The following AMDHD1 variants were observed in gnomAD, a reference collection of about 807,000 sequenced individuals.
The protein encoded by AMDHD1 is amidohydrolase domain containing 1.
AMDHD1 carries 45 observed loss-of-function variants against 44.1 expected under a neutral mutation model. That is an observed-to-expected ratio of 1.02 (90% CI 0.80 to 1.31). The LOEUF (loss-of-function observed/expected upper bound fraction) is 1.31. AMDHD1 is among the 50% of genes most tolerant of loss of function. AMDHD1 has a pLI of 0.00. For synonymous variants in AMDHD1, 206 were observed against 205.0 expected (o/e 1.00, Z -0.04); for missense variants, 586 against 552.1 (o/e 1.06, Z -0.61).
In AMDHD1 at chr12:95,965,799, A is replaced by C; in HGVS notation, c.1032+20A>C. On this transcript the variant is annotated intron_variant, in intron 7 of 8. Transcript: ENST00000266736. ...TCAATGGTAATTATTTTTTTCATGT[A>C]CCTTTCTGAGCAGAGTATCTACCAA... The C allele has an allele frequency of 6.6e-7, 1 of 1,518,792 alleles. No individual in the cohort carries two copies. The highest frequency in any genetic ancestry group is 9.1e-7 in the Non-Finnish European group (1 of 1,098,752). 94.1% of individuals were successfully genotyped at this position (1,518,792 alleles called of 1,614,324 possible). A position where few individuals can be genotyped will look rare whatever the true frequency, so the allele number is the denominator to read the frequency against.
chr12:95,962,065 A>G (rs959561384), intron 5 of AMDHD1, among the ~76,000 whole-genome samples: 7 of 152,236 alleles, frequency 4.6e-5, no homozygotes, highest in South Asian at 2.1e-4. Flanking sequence ...CAAGAGATCC[A>G]GACTATCCTG....
rs1313642473 is a variant in AMDHD1 at position 95,954,921 on chromosome 12, T to C, written c.255T>C (p.Asp85=). 11 of 1,614,086 alleles carry C rather than the reference T, an allele frequency of 6.8e-6. No homozygotes were observed. The highest frequency in any genetic ancestry group is 9.3e-6 in the Non-Finnish European group (11 of 1,180,034). The change falls in exon 3 of 9, where the codon GAT becomes GAC. Residue 85 remains aspartate (D), a synonymous_variant. Coordinates refer to ENST00000266736, the MANE Select transcript of AMDHD1 (RefSeq NM_152435.3). ...SGKCILPGLV[D]AHTHPVWAGE... ...ATTTATTGATTATAGGTTTGGTGGA[T>C]GCACACACACATCCAGTATGGGCTG... is the stretch of plus-strand genomic sequence containing the variant.
Position 95,959,957 on chromosome 12 carries a change from C to T in AMDHD1, c.588-441C>T, listed in dbSNP as rs905150608. ...ATTACAGATGCATGCCACCATGCCC[C>T]GATACTTTTAGTAGAGACGGGGTTT... is the stretch of plus-strand genomic sequence containing the variant. On this transcript the variant is annotated intron_variant, in intron 4 of 8. Coordinates refer to ENST00000266736, the MANE Select transcript of AMDHD1 (RefSeq NM_152435.3). Among the ~76,000 whole-genome samples, 5 of 48,388 alleles carry T rather than the reference C, an allele frequency of 1.0e-4. No homozygotes were observed. The East Asian group carries it at 0.012, about 112-fold the overall frequency. 31.7% of individuals were successfully genotyped at this position (48,388 alleles called of 152,430 possible).
chr12:95,944,452 A>T (rs2080484070), intron 1 of AMDHD1, among the ~76,000 whole-genome samples: 1 of 151,348 alleles, frequency 6.6e-6, no homozygotes. Context: ...CCCAGGTTGG[A>T]GTGCAGTGGC....
At chr12:95,945,664 G>A (rs1196768404) in intron 1 of AMDHD1, among the ~76,000 whole-genome samples, 1 of 152,192 alleles carries the variant, frequency 6.6e-6, no homozygotes, top group Non-Finnish European at 1.5e-5. Context: ...TGGTAGACAA[G>A]AAGAACACAG....
chr12:95,956,029 A>G (rs1230045463), intron 3 of AMDHD1, among the ~76,000 whole-genome samples: 1 of 152,222 alleles, frequency 6.6e-6, no homozygotes, highest in African/African-American at 2.4e-5. Context: ...GGGAGGGCTG[A>G]TACTTAGCAA....
At chr12:95,959,720 G>A (rs755302429) in intron 4 of AMDHD1, among the ~76,000 whole-genome samples, 69 of 152,124 alleles carry the variant, frequency 4.5e-4, no homozygotes, top group Admixed American at 1.4e-3. Flanking sequence ...CTCAGGTAAG[G>A]GGACCACAGG....
At chr12:95,962,312 T>C (rs1592826180) in intron 5 of AMDHD1, 43 bp from the exon 6 acceptor site, 1 of 1,582,840 alleles carries the variant, frequency 6.3e-7, no homozygotes, top group Non-Finnish European at 8.6e-7. Context: ...GGATTCGTTG[T>C]TGCTATTTGT....
chr12:95,962,584 A>G (rs1385610569), intron 6 of AMDHD1, 105 bp downstream of exon 6: 1 of 1,311,090 alleles, frequency 7.6e-7, no homozygotes, highest in Non-Finnish European at 1.0e-6. Flanking sequence ...CAAATCCCTT[A>G]AAAATGCAGA....
Position 95,958,491 on chromosome 12 carries a change from T to G in AMDHD1, c.587+1529T>G, listed in dbSNP as rs193032738. Among the ~76,000 whole-genome samples, 879 of 152,352 alleles carry G rather than the reference T, an allele frequency of 5.8e-3. 8 individuals carry two copies. The highest frequency in any genetic ancestry group is 0.02 in the Middle Eastern group (6 of 294). On this transcript the variant is annotated intron_variant, in intron 4 of 8. Transcript: ENST00000266736. ...AAGCTCAAAATTTCACTGAGACTCTTGAGACATTCTCTATAGAAAACAGTA... is the reference window on the plus strand; with the variant it reads ...AAGCTCAAAATTTCACTGAGACTCTGGAGACATTCTCTATAGAAAACAGTA...
At chr12:95,960,311 C>T in intron 4 of AMDHD1, 87 bp from the exon 5 acceptor site, 1 of 1,156,616 alleles carries the variant, frequency 8.6e-7, no homozygotes, top group African/African-American at 1.5e-5. Flanking sequence ...CTCTACTGCT[C>T]CTCAGGTTCT....
chr12:95,947,723 G>GC (rs1228646079), intron 1 of AMDHD1, among the ~76,000 whole-genome samples: 1 of 67,704 alleles, frequency 1.5e-5, no homozygotes, highest in Non-Finnish European at 2.7e-5. Flanking sequence ...GGGGGGGTCA[G>GC]CCCCCCCACC....
chr12:95,964,864 A>C lies in AMDHD1; in HGVS notation c.939-822A>C, dbSNP rs1443769349. Reference sequence around the variant, plus strand: ...GATGCCTAATCCAGGAAGAAGTATAAACATTTTACACACTAAATTCTTGGG... The same window carrying C: ...GATGCCTAATCCAGGAAGAAGTATACACATTTTACACACTAAATTCTTGGG... On this transcript the variant is annotated intron_variant, in intron 6 of 8. Coordinates refer to ENST00000266736, the MANE Select transcript of AMDHD1 (RefSeq NM_152435.3). Among the ~76,000 whole-genome samples, 6 of 148,842 alleles carry C rather than the reference A, an allele frequency of 4.0e-5. No individual in the cohort carries two copies. The East Asian group carries it at 1.2e-3, about 29-fold the overall frequency.
chr12:95,962,896 A>T (rs2080589631), intron 6 of AMDHD1, among the ~76,000 whole-genome samples: 1 of 152,168 alleles, frequency 6.6e-6, no homozygotes, highest in African/African-American at 2.4e-5. Context: ...TTCTAAAGGG[A>T]TGTTAGTGGG....
chr12:95,961,548 C>T (rs2080581541), intron 5 of AMDHD1, among the ~76,000 whole-genome samples: 1 of 152,210 alleles, frequency 6.6e-6, no homozygotes, highest in South Asian at 2.1e-4. Context: ...ATAGATACCC[C>T]ACCTGCATGC....
At chr12:95,964,586 C>T (rs1429182323) in intron 6 of AMDHD1, among the ~76,000 whole-genome samples, 1 of 152,006 alleles carries the variant, frequency 6.6e-6, no homozygotes, top group Non-Finnish European at 1.5e-5. Context: ...CTCTCTGTCT[C>T]TGCTTCACTC....
chr12:95,948,197 C>T (rs1592820841), intron 1 of AMDHD1, among the ~76,000 whole-genome samples: 3 of 122,912 alleles, frequency 2.4e-5, no homozygotes, highest in African/African-American at 3.2e-5. Context: ...CCAGCCGCCC[C>T]ATCCGGGAGG....
intron 4 of AMDHD1, among the ~76,000 whole-genome samples, chr12:95,957,750 G>A (rs576053009): frequency 6.6e-6 from 1 of 151,936 alleles, no homozygotes; most frequent in Non-Finnish European, 1.5e-5. Flanking sequence ...TGTAAACTTC[G>A]GAATATAAAT....
At chr12:95,943,565 C>T (rs1489480095) in intron 1 of AMDHD1, 30 bp downstream of exon 1, 3 of 1,413,730 alleles carry the variant, frequency 2.1e-6, no homozygotes, top group Non-Finnish European at 2.8e-6. Context: ...GGGTGGGGAC[C>T]GCCACGGGCG....
Sources: allele counts gnomAD v4.1 joint callset (sites outside exome capture counted in the v4.1 genomes callset), GRCh38; gene constraint gnomAD v4.1.1; transcripts MANE v1.5; gene names NCBI Gene and HGNC (gene_info 2026-07-23, HGNC 2026-07-21).